Variants in KCNIP4 observed in about 807,000 individuals in gnomAD.
KCNIP4 encodes potassium voltage-gated channel interacting protein 4, also known as Kv channel-interacting protein 4.
A neutral mutation model predicts 34.0 loss-of-function variants in KCNIP4; 12 were observed. The ratio of observed to expected loss-of-function variants is 0.35; its 90% CI spans 0.23 to 0.57. The LOEUF is 0.57. Among genes scored for constraint, KCNIP4 ranks in the 20% least tolerant of loss-of-function variants. KCNIP4 has a pLI of 0.83. For missense variants in KCNIP4, 238 were observed against 311.7 expected, an observed-to-expected ratio of 0.76 and a Z score of 1.78; for synonymous variants, 124 against 102.2, an observed-to-expected ratio of 1.21 and a Z score of -1.29.
chr4:21,389,661 A>G (rs529136876), intron 1 of KCNIP4, among the ~76,000 whole-genome samples: 2 of 151,988 alleles, frequency 1.3e-5, no homozygotes, highest in South Asian at 2.1e-4. Context: ...ATAGTATTCC[A>G]TGGTGTATAT....
intron 1 of KCNIP4, among the ~76,000 whole-genome samples, chr4:21,284,942 T>C (rs1402280807): frequency 6.6e-6 from 1 of 152,026 alleles, no homozygotes; most frequent in Non-Finnish European, 1.5e-5. Flanking sequence ...CCAAATCGCA[T>C]ATATAGTAAG....
intron 1 of KCNIP4, among the ~76,000 whole-genome samples, chr4:21,143,323 G>C (rs892491995): frequency 6.6e-6 from 1 of 152,228 alleles, no homozygotes; most frequent in Non-Finnish European, 1.5e-5. Flanking sequence ...TTTGCAGATA[G>C]AGAAGATTAA....
chr4:21,260,913 C>A (rs182103302), intron 1 of KCNIP4, among the ~76,000 whole-genome samples: 3 of 152,316 alleles, frequency 2.0e-5, no homozygotes, highest in Admixed American at 2.0e-4. Context: ...CACACTGCTT[C>A]TACTTCTTGG....
At chr4:21,091,143 TA>T (rs1245125553) in intron 1 of KCNIP4, among the ~76,000 whole-genome samples, 1 of 152,186 alleles carries the variant, frequency 6.6e-6, no homozygotes, top group African/African-American at 2.4e-5. Context: ...ATCATTCTCA[TA>T]AAAATATATA....
At chr4:21,697,216 T>C (rs925999509) in intron 1 of KCNIP4, 2 of 1,236,946 alleles carry the variant, frequency 1.6e-6, no homozygotes, top group Admixed American at 8.5e-5. Flanking sequence ...TCTCAGCAAA[T>C]ACAGTTGCAT....
intron 4 of KCNIP4, among the ~76,000 whole-genome samples, chr4:20,753,330 A>G (rs2149348757): frequency 6.6e-6 from 1 of 152,096 alleles, no homozygotes; most frequent in Non-Finnish European, 1.5e-5. Flanking sequence ...CTTTGGTGTG[A>G]CTCCTGCATT....
intron 1 of KCNIP4, among the ~76,000 whole-genome samples, chr4:21,512,180 GGAACGAACGAAGGAAC>G (rs1169100391): frequency 1.4e-5 from 2 of 140,580 alleles, no homozygotes; most frequent in African/African-American, 6.0e-5. Flanking sequence ...GAGGAAGGAA[GGAACGAACGAAGGAAC>G]GAACGAAGGA....
chr4:21,096,266 T>C (rs1747451663), intron 1 of KCNIP4, among the ~76,000 whole-genome samples: 2 of 152,218 alleles, frequency 1.3e-5, no homozygotes, highest in Non-Finnish European at 1.5e-5. Flanking sequence ...ACTCCATCTT[T>C]GCTCTATTTC....
At chr4:21,613,284 G>C (rs925807652) in intron 1 of KCNIP4, 1 of 152,174 alleles carries the variant, frequency 6.6e-6, no homozygotes, top group African/African-American at 2.4e-5. Flanking sequence ...CAGAGGCTGG[G>C]TTATCAAAGA....
At chr4:21,830,452 G>A (rs1390567628) in intron 1 of KCNIP4, among the ~76,000 whole-genome samples, 1 of 151,980 alleles carries the variant, frequency 6.6e-6, no homozygotes, top group Non-Finnish European at 1.5e-5. Context: ...AGGCGGGCTG[G>A]ATCACTTGAG....
intron 3 of KCNIP4, among the ~76,000 whole-genome samples, chr4:20,837,041 C>T (rs887018053): frequency 6.6e-6 from 1 of 152,104 alleles, no homozygotes; most frequent in African/African-American, 2.4e-5. Flanking sequence ...ATTAAGCATT[C>T]AGTAAGTAGT....
At chr4:21,426,905 T>TTA (rs199568260) in intron 1 of KCNIP4, among the ~76,000 whole-genome samples, 152 of 100,332 alleles carry the variant, frequency 1.5e-3, no homozygotes, top group Non-Finnish European at 2.6e-3. Flanking sequence ...TTTTTAACTT[T>TTA]TTTTTTTTTT....
At chr4:21,825,182 C>T (rs1444242140) in intron 1 of KCNIP4, among the ~76,000 whole-genome samples, 1 of 151,684 alleles carries the variant, frequency 6.6e-6, no homozygotes, top group Non-Finnish European at 1.5e-5. Flanking sequence ...GAAGTTTAAA[C>T]ATACTTTTTA....
rs139005812 is a variant in KCNIP4, at chr4:21,561,281, G to A, written c.61+387290C>T. Among the ~76,000 whole-genome samples, 966 of 152,024 alleles carry A rather than the reference G, an allele frequency of 6.4e-3. 18 individuals are homozygous for A. Among genetic ancestry groups the A allele is most frequent in the African/African-American group, 0.022 (916 of 41,524 alleles). On this transcript the variant is annotated intron_variant, in intron 1 of 8. Transcript: ENST00000382152. ...GAAGAATGAAGTATCTTTTTGCCAC[G>A]CATTTTCCAATGTGAACAATAAAAT...
chr4:20,749,566 C>A, intron 5 of KCNIP4, 96 bp downstream of exon 5: 1 of 808,144 alleles, frequency 1.2e-6, no homozygotes, highest in Non-Finnish European at 2.0e-6. Flanking sequence ...GCTTTCTTTC[C>A]CCTGAGCAAA....
chr4:21,274,889 T>C (rs1209877437), intron 1 of KCNIP4, among the ~76,000 whole-genome samples: 2 of 152,210 alleles, frequency 1.3e-5, no homozygotes, highest in Admixed American at 1.3e-4. Context: ...TGATTTTTTT[T>C]CTTCTTTTAA....
intron 1 of KCNIP4, among the ~76,000 whole-genome samples, chr4:21,096,850 A>G (rs1194410981): frequency 6.6e-6 from 1 of 152,106 alleles, no homozygotes; most frequent in Non-Finnish European, 1.5e-5. Flanking sequence ...TGATCAGAAA[A>G]TCTCATGAGC....
chr4:21,832,364 C>G (rs534748100), intron 1 of KCNIP4, among the ~76,000 whole-genome samples: 2 of 151,990 alleles, frequency 1.3e-5, no homozygotes, highest in South Asian at 4.2e-4. Flanking sequence ...TAAGGGTGTG[C>G]TATTTAGTGT....
intron 1 of KCNIP4, among the ~76,000 whole-genome samples, chr4:21,651,092 T>C (rs1747448010): frequency 7.7e-6 from 1 of 130,158 alleles, no homozygotes; most frequent in Non-Finnish European, 1.7e-5. Flanking sequence ...CTGAACATGA[T>C]CTCCTTTCTT....
Sources: allele counts gnomAD v4.1 joint callset (sites outside exome capture counted in the v4.1 genomes callset), GRCh38; gene constraint gnomAD v4.1.1; transcripts MANE v1.5; gene names NCBI Gene and HGNC (gene_info 2026-07-23, HGNC 2026-07-21).